DLGAP2: variants seen among roughly 807,000 people sequenced by gnomAD.
DLGAP2 encodes disks large-associated protein 2.
Under a neutral mutation model 100.3 loss-of-function variants are expected in DLGAP2, and 26 were observed. The observed-to-expected ratio is 0.26, with a 90% CI of 0.19 to 0.36. DLGAP2 has a LOEUF of 0.36. Ranked by LOEUF, DLGAP2 falls within the 10% of genes least tolerant of loss-of-function variation. The pLI, the probability that DLGAP2 is intolerant of heterozygous loss-of-function variation, is 1.00. For synonymous variants in DLGAP2, 886 were observed against 630.1 expected (o/e 1.41, Z -6.08); for missense variants, 1,858 against 1,453.2 (o/e 1.28, Z -4.53).
intron 2 of DLGAP2, among the ~76,000 whole-genome samples, chr8:1,040,345 C>T (rs376779310): frequency 0.012 from 1,709 of 145,956 alleles, 41 homozygotes; most frequent in African/African-American, 0.042. Flanking sequence ...GCTCGGTGTG[C>T]GTGGTCGGCT....
At position 826,303 on chromosome 8, in the gene DLGAP2, C is replaced by T. The variant is rs926929112; in HGVS notation, c.19-81609C>T. On this transcript the variant is annotated intron_variant, in intron 1 of 14. Transcript: ENST00000637795. ...AGTCAACATGGGCATGCAGATACCTCTTTGATGTCCTGATTTCCTTCCTTT... is the reference window on the plus strand; with the variant it reads ...AGTCAACATGGGCATGCAGATACCTTTTTGATGTCCTGATTTCCTTCCTTT... Among the ~76,000 whole-genome samples, 22 of 152,204 alleles carry T rather than the reference C, an allele frequency of 1.4e-4. 1 individual carries two copies. Among genetic ancestry groups the T allele is most frequent in the East Asian group, 7.7e-4 (4 of 5,200 alleles).
At chr8:1,383,545 G>A (rs938997802) in intron 3 of DLGAP2, among the ~76,000 whole-genome samples, 4 of 152,278 alleles carry the variant, frequency 2.6e-5, no homozygotes, top group South Asian at 2.1e-4. Context: ...CGACGTTACC[G>A]GTCTGAGGAG....
chr8:1,524,539 C>A (rs1432080323), intron 4 of DLGAP2, among the ~76,000 whole-genome samples: 2 of 152,136 alleles, frequency 1.3e-5, no homozygotes, highest in Non-Finnish European at 2.9e-5. Flanking sequence ...AGAGCTGAAT[C>A]CTGCTGAGGC....
intron 4 of DLGAP2, among the ~76,000 whole-genome samples, chr8:1,525,191 C>CTT (rs56358216): frequency 0.02 from 2,056 of 103,616 alleles, 108 homozygotes; most frequent in African/African-American, 0.073. Flanking sequence ...ACTCTGATGT[C>CTT]TTTTTTTTTT....
At chr8:1,570,687 T>G (rs77352272) in intron 6 of DLGAP2, among the ~76,000 whole-genome samples, 1 of 146,458 alleles carries the variant, frequency 6.8e-6, no homozygotes, top group African/African-American at 2.6e-5. Context: ...GGGTGAACTG[T>G]GGGGGTGTCT....
chr8:1,025,790 G>A (rs1454114472), intron 2 of DLGAP2, among the ~76,000 whole-genome samples: 1 of 152,188 alleles, frequency 6.6e-6, no homozygotes. Flanking sequence ...AGACACGGTC[G>A]CAATGGCTCT....
At chr8:808,440 A>G (rs1796308957) in intron 1 of DLGAP2, among the ~76,000 whole-genome samples, 1 of 152,154 alleles carries the variant, frequency 6.6e-6, no homozygotes, top group South Asian at 2.1e-4. Context: ...CAGTCCTAGG[A>G]GAGGGAGTAG....
chr8:1,341,217 A>T (rs1319169603), intron 3 of DLGAP2, among the ~76,000 whole-genome samples: 4 of 152,196 alleles, frequency 2.6e-5, no homozygotes, highest in Non-Finnish European at 2.9e-5. Flanking sequence ...CTGCGCATGG[A>T]CCCCTGAATG....
intron 2 of DLGAP2, among the ~76,000 whole-genome samples, chr8:1,039,460 A>G (rs1344868116): frequency 1.0e-3 from 92 of 90,348 alleles, no homozygotes; most frequent in African/African-American, 3.8e-3. Context: ...TTGGCTCGGT[A>G]TGCATGTTCA....
chr8:1,452,025 C>G (rs1021030687), intron 3 of DLGAP2, among the ~76,000 whole-genome samples: 3 of 152,254 alleles, frequency 2.0e-5, no homozygotes, highest in African/African-American at 7.2e-5. Flanking sequence ...TGCCGATGTC[C>G]CATCCTGGGC....
chr8:915,440 G>C (rs1185417730), intron 2 of DLGAP2, among the ~76,000 whole-genome samples: 3 of 152,042 alleles, frequency 2.0e-5, no homozygotes, highest in Non-Finnish European at 2.9e-5. Flanking sequence ...CTAGCTACTC[G>C]GGAGGCTGAG....
intron 2 of DLGAP2, among the ~76,000 whole-genome samples, chr8:1,193,912 C>T (rs996715375): frequency 6.6e-6 from 1 of 152,162 alleles, no homozygotes; most frequent in African/African-American, 2.4e-5. Flanking sequence ...CCAGGAGGAG[C>T]CGCTGGAGGG....
chr8:1,428,091 G>C (rs549374744), intron 3 of DLGAP2, among the ~76,000 whole-genome samples: 145 of 151,744 alleles, frequency 9.6e-4, no homozygotes, highest in Non-Finnish European at 1.9e-3. Context: ...AAAAAGAACA[G>C]AGTACGCTAA....
At chr8:950,815 G>A (rs372994151) in intron 2 of DLGAP2, among the ~76,000 whole-genome samples, 106 of 151,686 alleles carry the variant, frequency 7.0e-4, no homozygotes, top group African/African-American at 2.5e-3. Flanking sequence ...TAGTAGAGAT[G>A]GGGTTTCACC....
chr8:1,165,214 T>TG (rs1167623408), intron 2 of DLGAP2, among the ~76,000 whole-genome samples: 2 of 33,792 alleles, frequency 5.9e-5, no homozygotes, highest in African/African-American at 2.4e-4. Context: ...GAGGGGGAGA[T>TG]GGGGGGGCGG....
intron 1 of DLGAP2, among the ~76,000 whole-genome samples, chr8:829,533 A>G (rs1171639993): frequency 6.6e-6 from 1 of 152,270 alleles, no homozygotes; most frequent in Non-Finnish European, 1.5e-5. Context: ...GTAAGTATAC[A>G]CATCATAAAG....
chr8:1,569,908 G>T (rs1303006160), intron 6 of DLGAP2, among the ~76,000 whole-genome samples: 1 of 152,090 alleles, frequency 6.6e-6, no homozygotes, highest in Non-Finnish European at 1.5e-5. Context: ...TCACCCCATG[G>T]CACTGCTCTG....
rs958232978 is a variant in DLGAP2 at position 1,704,351 on chromosome 8, C to A, written c.*2945C>A. On this transcript the variant is annotated 3_prime_UTR_variant, in exon 15 of 15. Transcript: ENST00000637795. ...GATACAGCCAATGACAGGTGAAACC[C>A]AGACACTCTCCTTAGAGCCGACAGG... The A allele has an allele frequency of 6.6e-6, 1 of 152,186 alleles. No individual in the cohort carries two copies. Among genetic ancestry groups the A allele is most frequent in the Non-Finnish European group, 1.5e-5 (1 of 68,040 alleles). The allele number at this position is 152,186 out of a possible 1,614,324, so 9.4% of individuals were successfully genotyped here. A position where few individuals can be genotyped will look rare whatever the true frequency, so the allele number is the denominator to read the frequency against.
chr8:1,340,187 A>G (rs1482959397), intron 3 of DLGAP2, among the ~76,000 whole-genome samples: 1 of 152,256 alleles, frequency 6.6e-6, no homozygotes, highest in Non-Finnish European at 1.5e-5. Context: ...CAAAGATTTC[A>G]TGACAGAGAC....
Sources: gnomAD v4.1 joint callset for allele counts (sites outside exome capture counted in the v4.1 genomes callset) on GRCh38, gnomAD v4.1.1 for gene constraint, MANE v1.5 for transcripts, NCBI Gene and HGNC (gene_info 2026-07-23, HGNC 2026-07-21) for gene names.